BRDT: variants seen among roughly 807,000 people sequenced by gnomAD.
BRDT encodes the protein bromodomain testis-specific protein.
Under a neutral mutation model 113.9 loss-of-function variants are expected in BRDT, and 77 were observed. That is an observed-to-expected ratio of 0.68 (90% CI 0.56 to 0.82). BRDT has a LOEUF of 0.82. BRDT is among the 40% of genes least tolerant of loss of function. The pLI, the probability that BRDT is intolerant of heterozygous loss-of-function variation, is 0.00. For missense variants in BRDT, 1,027 were observed against 1,105.4 expected, an observed-to-expected ratio of 0.93 and a Z score of 1.01; for synonymous variants, 358 against 366.5, an observed-to-expected ratio of 0.98 and a Z score of 0.26.
chr1:92,008,457 C>CTA (rs1399685731), intron 18 of BRDT, among the ~76,000 whole-genome samples: 1 of 152,100 alleles, frequency 6.6e-6, no homozygotes, highest in Admixed American at 6.6e-5. Flanking sequence ...CCATACCCCT[C>CTA]TATATATATG....
At chr1:91,955,354 T>C (rs1553183305) in intron 1 of BRDT, among the ~76,000 whole-genome samples, 1 of 152,020 alleles carries the variant, frequency 6.6e-6, no homozygotes, top group Non-Finnish European at 1.5e-5. Flanking sequence ...CTAGGGAGGC[T>C]GAGGCAGAAG....
At chr1:92,000,874 T>C (rs1169595024) in intron 15 of BRDT, among the ~76,000 whole-genome samples, 1 of 152,206 alleles carries the variant, frequency 6.6e-6, no homozygotes, top group Non-Finnish European at 1.5e-5. Context: ...GTCAATCTTT[T>C]AGTCATGGCT....
In BRDT at chr1:91,979,766, T is replaced by C. The variant is rs201786411; in HGVS notation, c.1287+9T>C. On this transcript the variant is annotated intron_variant, in intron 8 of 18. Transcript: ENST00000399546. ...CAAAGCTTCAGGAGCAGGTAGTTGATTGTATTGATACAAATTTTGATAATC... is the reference window on the plus strand; with the variant it reads ...CAAAGCTTCAGGAGCAGGTAGTTGACTGTATTGATACAAATTTTGATAATC... 173 of 1,589,104 alleles carry C rather than the reference T, an allele frequency of 1.1e-4. No homozygotes were observed. The highest frequency in any genetic ancestry group is 1.4e-4 in the Non-Finnish European group (170 of 1,172,802).
At chr1:91,963,239 T>C (rs968341841) in intron 2 of BRDT, among the ~76,000 whole-genome samples, 7 of 152,118 alleles carry the variant, frequency 4.6e-5, no homozygotes, top group African/African-American at 1.7e-4. Context: ...GGAGAATCTC[T>C]TGAACCTGGG....
chr1:91,992,423 A>C, intron 14 of BRDT, 109 bp downstream of exon 14: 1 of 692,668 alleles, frequency 1.4e-6, no homozygotes, highest in East Asian at 3.4e-5. Context: ...AAAAAAAAAA[A>C]AAAAAAACCA....
intron 14 of BRDT, among the ~76,000 whole-genome samples, chr1:91,993,019 C>T (rs1051747223): frequency 6.6e-6 from 1 of 152,016 alleles, no homozygotes; most frequent in Non-Finnish European, 1.5e-5. Context: ...CACTTTCACT[C>T]ACTGAGGAAA....
At chr1:91,986,923 T>G (rs1685295471) in intron 12 of BRDT, among the ~76,000 whole-genome samples, 1 of 143,060 alleles carries the variant, frequency 7.0e-6, no homozygotes, top group Non-Finnish European at 1.5e-5. Context: ...TATTAAATTA[T>G]TTTAGACTTT....
At chr1:91,997,118 ATT>A (rs139209679) in intron 15 of BRDT, among the ~76,000 whole-genome samples, 5 of 150,524 alleles carry the variant, frequency 3.3e-5, no homozygotes, top group African/African-American at 1.2e-4. Context: ...AGGAAGATAG[ATT>A]TTTTTTTTAG....
intron 2 of BRDT, among the ~76,000 whole-genome samples, chr1:91,964,261 G>A (rs1049222042): frequency 2.0e-5 from 3 of 152,140 alleles, no homozygotes; most frequent in African/African-American, 4.8e-5. Context: ...GGGCTTCCCC[G>A]TGTTGGTCAG....
chr1:91,963,814 A>G (rs1353545521), intron 2 of BRDT, among the ~76,000 whole-genome samples: 1 of 149,170 alleles, frequency 6.7e-6, no homozygotes, highest in Non-Finnish European at 1.5e-5. Context: ...TTTAGCATCT[A>G]AAAATAATGC....
intron 1 of BRDT, chr1:91,957,609 G>GT (rs1386563652): frequency 2.0e-5 from 3 of 152,168 alleles, no homozygotes; most frequent in African/African-American, 7.2e-5. Context: ...TGGTACGTTT[G>GT]TTACAATCAA....
chr1:91,986,254 G>A (rs1039916754), intron 12 of BRDT, among the ~76,000 whole-genome samples: 4 of 152,016 alleles, frequency 2.6e-5, no homozygotes, highest in Non-Finnish European at 5.9e-5. Context: ...CAATCTTGGG[G>A]TTACCTTGAG....
intron 2 of BRDT, among the ~76,000 whole-genome samples, chr1:91,964,294 C>T (rs1333144797): frequency 2.0e-5 from 3 of 152,224 alleles, no homozygotes; most frequent in African/African-American, 7.2e-5. Flanking sequence ...CTCGTGACCT[C>T]AGGTGATCCA....
chr1:91,995,002 A>G (rs1466455267), intron 15 of BRDT, among the ~76,000 whole-genome samples: 3 of 152,052 alleles, frequency 2.0e-5, no homozygotes, highest in Admixed American at 2.0e-4. Flanking sequence ...GCCTAAGGGT[A>G]GTTCCTATTT....
intron 15 of BRDT, among the ~76,000 whole-genome samples, chr1:91,995,640 GT>G (rs779911992): frequency 8.5e-4 from 116 of 136,192 alleles, no homozygotes; most frequent in South Asian, 9.6e-4. Context: ...TTTTTTTGTA[GT>G]TTTTTTTTTT....
intron 5 of BRDT, 45 bp from the exon 6 acceptor site, chr1:91,976,998 A>G: frequency 7.0e-7 from 1 of 1,433,680 alleles, no homozygotes; most frequent in Non-Finnish European, 9.4e-7. Context: ...TATGCTCTGA[A>G]TATCATCTCA....
At chr1:91,980,173 A>G (rs1684577331) in intron 8 of BRDT, among the ~76,000 whole-genome samples, 2 of 152,172 alleles carry the variant, frequency 1.3e-5, no homozygotes, top group Admixed American at 1.3e-4. Context: ...TTGGGAGTCC[A>G]AGGTGGGAGG....
chr1:91,996,510 G>A (rs911220311), intron 15 of BRDT, among the ~76,000 whole-genome samples: 43 of 152,188 alleles, frequency 2.8e-4, no homozygotes, highest in Non-Finnish European at 5.6e-4. Context: ...GCCTCCCAAA[G>A]TTCTGGGATT....
At chr1:91,965,457 A>G (rs1157177645) in intron 3 of BRDT, among the ~76,000 whole-genome samples, 3 of 152,184 alleles carry the variant, frequency 2.0e-5, no homozygotes. Context: ...CTTAGTATAT[A>G]CTAATCTTCA....
Sources: allele counts gnomAD v4.1 joint callset (sites outside exome capture counted in the v4.1 genomes callset), GRCh38; gene constraint gnomAD v4.1.1; transcripts MANE v1.5; gene names NCBI Gene and HGNC (gene_info 2026-07-23, HGNC 2026-07-21).